Variants in ZC3H4 observed in about 807,000 individuals in gnomAD.
ZC3H4 encodes the protein zinc finger CCCH domain-containing protein 4.
In ZC3H4, 13 loss-of-function variants were observed where a neutral mutation model predicts 108.3. That is an observed-to-expected ratio of 0.12 (90% CI 0.08 to 0.19). The LOEUF is 0.19. ZC3H4 is among the 10% of genes least tolerant of loss of function. The pLI, the probability that ZC3H4 is intolerant of heterozygous loss-of-function variation, is 1.00. For missense variants in ZC3H4, 1,734 were observed against 1,838.8 expected (o/e 0.94, Z 1.04); for synonymous variants, 917 against 749.6 (o/e 1.22, Z -3.65).
In ZC3H4 at chr19:47,071,800, C is replaced by A; in HGVS notation, c.2124G>T (p.Glu708Asp). 3 of 1,612,542 alleles carry A rather than the reference C, an allele frequency of 1.9e-6. No individual in the cohort carries two copies. In the South Asian group the frequency reaches 3.3e-5, roughly 18 times the overall value. The change falls in exon 13 of 15, where the codon GAG becomes GAT. Residue 708 changes from glutamate to aspartate, a missense_variant. Around this residue, in one of 9 missense-constraint regions of ZC3H4, gnomAD observed 540 missense variants for 484.1 expected, o/e 1.12. Coordinates refer to ENST00000253048, the MANE Select transcript of ZC3H4 (RefSeq NM_015168.2). ...TACCTGCATCCCCCAGGAGTCCGGGCTCCATCTCCATGCCCTCCTGCTGCT... is the reference window on the plus strand; with the variant it reads ...TACCTGCATCCCCCAGGAGTCCGGGATCCATCTCCATGCCCTCCTGCTGCT... The part of the protein sequence containing the change: ...FYQQQEGMEM[E>D]PGLLGDAEDY...
intron 2 of ZC3H4, among the ~76,000 whole-genome samples, chr19:47,105,603 C>T (rs1175029665): frequency 1.3e-5 from 2 of 152,100 alleles, no homozygotes; most frequent in Admixed American, 1.3e-4. Flanking sequence ...TGTCTCAAAA[C>T]AACACAAACC....
At chr19:47,093,900 G>A in intron 4 of ZC3H4, 70 bp downstream of exon 4, 1 of 1,388,800 alleles carries the variant, frequency 7.2e-7, no homozygotes, top group Non-Finnish European at 1.0e-6. Flanking sequence ...AACACAGCAA[G>A]TGCTCAAGAA....
At chr19:47,105,477 G>A (rs901335154) in intron 2 of ZC3H4, among the ~76,000 whole-genome samples, 32 of 152,190 alleles carry the variant, frequency 2.1e-4, no homozygotes, top group African/African-American at 6.8e-4. Context: ...GTGTGCGCCT[G>A]TAATCCCAGC....
In ZC3H4 at chr19:47,067,426, G is replaced by A. The variant is rs2057233560; in HGVS notation, c.2842C>T (p.Pro948Ser). 7 of 1,604,836 alleles carry A rather than the reference G, an allele frequency of 4.4e-6. No individual in the cohort carries two copies. The highest frequency in any genetic ancestry group is 3.3e-4 in the Middle Eastern group (2 of 6,030). ...NIPLDPLPGH[P>S]LRDPRSQLQQ... ...AGCTGTGACCGTGGGTCCCGCAGAG[G>A]GTGCCCGGGGAGTGGGTCCAGGGGA... Residue 948 changes from proline to serine, a missense_variant, in exon 15 of 15, where the codon CCT becomes TCT. This residue lies in a region of ZC3H4 where 540 missense variants were observed against 484.1 expected (regional missense o/e 1.12). Transcript: ENST00000253048. The surrounding 1 kb of genome is among the most constrained non-coding windows in gnomAD (Gnocchi z 6.4).
Position 47,067,879 on chromosome 19 carries a change from A to T in ZC3H4, c.2399-10T>A. 1 of 1,578,220 alleles carries T rather than the reference A, an allele frequency of 6.3e-7. No individual in the cohort carries two copies. Among genetic ancestry groups the T allele is most frequent in the Non-Finnish European group, 8.6e-7 (1 of 1,165,112 alleles). On this transcript the variant is annotated splice_polypyrimidine_tract_variant and intron_variant, in intron 14 of 14. Transcript: ENST00000253048. The surrounding 1 kb of genome is among the most constrained non-coding windows in gnomAD (Gnocchi z 6.4). ...CAGTTTCCGGTGTCACCTGGGAAAG[A>T]ACAGAGGAGCAGGGAGGGGTGAGTG...
intron 11 of ZC3H4, among the ~76,000 whole-genome samples, chr19:47,078,910 C>T (rs1028006917): frequency 1.3e-5 from 2 of 151,846 alleles, no homozygotes; most frequent in African/African-American, 4.8e-5. Flanking sequence ...GCCTGTAATC[C>T]CAGCTACTGT....
At chr19:47,109,259 G>T (rs1336608559) in intron 2 of ZC3H4, among the ~76,000 whole-genome samples, 1 of 152,156 alleles carries the variant, frequency 6.6e-6, no homozygotes, top group African/African-American at 2.4e-5. Flanking sequence ...ATTTCTTTGA[G>T]AATGGAAAAC....
chr19:47,068,971 G>GGGTCCT lies in ZC3H4; in HGVS notation c.2398+115_2398+120dup, dbSNP rs1238285879. 4 of 1,543,028 alleles carry GGGTCCT rather than the reference G, an allele frequency of 2.6e-6. No homozygotes were observed. In the African/African-American group the frequency reaches 5.5e-5, roughly 21 times the overall value. On this transcript the variant is annotated intron_variant, in intron 14 of 14. Coordinates refer to ENST00000253048, the MANE Select transcript of ZC3H4 (RefSeq NM_015168.2). Reference sequence around the variant, plus strand: ...AGCCCGGCTTCATGGCCCTGGACAGGGGTCCTCCCTAGCCATGGGCTCCTT... The same window carrying GGGTCCT: ...AGCCCGGCTTCATGGCCCTGGACAGGGGTCCTGGTCCTCCCTAGCCATGGGCTCCTT...
chr19:47,106,058 G>A (rs908919313), intron 2 of ZC3H4, among the ~76,000 whole-genome samples: 2 of 152,214 alleles, frequency 1.3e-5, no homozygotes, highest in African/African-American at 4.8e-5. Flanking sequence ...AACAGCAGAG[G>A]TAAAGGTTAA....
rs115300962 is a variant in ZC3H4, at chr19:47,109,744, G to C, written c.161+2680C>G. 8.2e-3 allele frequency among the ~76,000 whole-genome samples: 1,243 copies of C among 152,134 alleles called. 11 individuals carry two copies. The highest frequency in any genetic ancestry group is 0.028 in the African/African-American group (1,160 of 41,506). ...TACATGTGCGTGACCTTTTTTCCTTGTAAGAAGGAAAAAAACAAAACGGTT... is the reference window on the plus strand; with the variant it reads ...TACATGTGCGTGACCTTTTTTCCTTCTAAGAAGGAAAAAAACAAAACGGTT... On this transcript the variant is annotated intron_variant, in intron 2 of 14. Coordinates refer to ENST00000253048, the MANE Select transcript of ZC3H4 (RefSeq NM_015168.2).
intron 7 of ZC3H4, 41 bp from the exon 8 acceptor site, chr19:47,085,236 C>CGA: frequency 6.3e-7 from 1 of 1,579,080 alleles, no homozygotes; most frequent in East Asian, 2.3e-5. Flanking sequence ...TGACCACCCC[C>CGA]TCCCCCACCC....
chr19:47,099,074 T>C (rs895898136), intron 2 of ZC3H4, among the ~76,000 whole-genome samples: 1 of 152,190 alleles, frequency 6.6e-6, no homozygotes, highest in Non-Finnish European at 1.5e-5. Flanking sequence ...AAGCAGCTGT[T>C]GGTTTTAAAA....
intron 13 of ZC3H4, among the ~76,000 whole-genome samples, chr19:47,071,216 C>T (rs559551386): frequency 8.9e-4 from 136 of 152,322 alleles, no homozygotes; most frequent in African/African-American, 3.2e-3. Context: ...TGCAACTGAG[C>T]GAGGACAGTG....
At chr19:47,088,998 G>A (rs960155878) in intron 5 of ZC3H4, among the ~76,000 whole-genome samples, 6 of 151,908 alleles carry the variant, frequency 3.9e-5, no homozygotes, top group African/African-American at 1.2e-4. Context: ...ACGAGGTCAC[G>A]AGATCGAGAC....
At chr19:47,091,142 G>A (rs2057724870) in intron 4 of ZC3H4, among the ~76,000 whole-genome samples, 2 of 152,148 alleles carry the variant, frequency 1.3e-5, no homozygotes, top group Admixed American at 6.5e-5. Flanking sequence ...GTGTGGGGCA[G>A]GCACCTGTAA....
chr19:47,064,282 T>C lies in ZC3H4; in HGVS notation c.*2074A>G, dbSNP rs959994281. 21 of 152,724 alleles carry C rather than the reference T, an allele frequency of 1.4e-4. No individual in the cohort carries two copies. The highest frequency in any genetic ancestry group is 3.4e-3 in the Middle Eastern group (1 of 294). 9.5% of individuals were successfully genotyped at this position (152,724 alleles called of 1,614,324 possible). On this transcript the variant is annotated 3_prime_UTR_variant, in exon 15 of 15. Transcript: ENST00000253048. ...AGGTGACGTTTCTGGAAGACAGATA[T>C]GGAGTATAAAAAGGGTGTGAAATAG...
Position 47,069,262 on chromosome 19 carries a change from A to T in ZC3H4, c.2228T>A (p.Phe743Tyr). 6.2e-7 allele frequency: 1 copy of T among 1,613,864 alleles called. No homozygotes were observed. Among genetic ancestry groups the T allele is most frequent in the Non-Finnish European group, 8.5e-7 (1 of 1,179,910 alleles). ...CCGGCCTGGGGGCCCTCCCTCAGAG[A>T]AGCTGTCGGGCTCCAGAGGGTGCTC... ...FPEHPLEPDS[F>Y]SEGGPPGRPK... The change falls in exon 14 of 15, where the codon TTC (phenylalanine) becomes TAC (tyrosine). Residue 743 changes from phenylalanine (F) to tyrosine (Y), a missense_variant. This residue lies in a region of ZC3H4 where 540 missense variants were observed against 484.1 expected (regional missense o/e 1.12). Coordinates refer to ENST00000253048, the MANE Select transcript of ZC3H4 (RefSeq NM_015168.2).
At chr19:47,079,813 G>A (rs1334404360) in intron 11 of ZC3H4, among the ~76,000 whole-genome samples, 1 of 152,226 alleles carries the variant, frequency 6.6e-6, no homozygotes, top group African/African-American at 2.4e-5. Flanking sequence ...CTTGAACCCA[G>A]GAGGTAGAGG....
At chr19:47,086,333 G>A in intron 6 of ZC3H4, 51 bp downstream of exon 6, 1 of 1,606,350 alleles carries the variant, frequency 6.2e-7, no homozygotes, top group Admixed American at 1.7e-5. Flanking sequence ...TCACGCCCCG[G>A]AAAGCCCACC....
Sources: gnomAD v4.1 joint callset for allele counts (sites outside exome capture counted in the v4.1 genomes callset) on GRCh38, gnomAD v4.1.1 for gene constraint, gnomAD v4.1.1 regional missense constraint, Gnocchi (gnomAD v3.1) non-coding constraint, MANE v1.5 for transcripts, NCBI Gene and HGNC (gene_info 2026-07-23, HGNC 2026-07-21) for gene names.